The following CREB5 variants were observed in gnomAD, a reference collection of about 807,000 sequenced individuals.
CREB5 encodes the protein cAMP responsive element binding protein 5, also known as cyclic AMP-responsive element-binding protein 5.
Under a neutral mutation model 57.1 loss-of-function variants are expected in CREB5, and 19 were observed. The ratio of observed to expected loss-of-function variants is 0.33; its 90% CI spans 0.23 to 0.49. The LOEUF is 0.49. CREB5 is among the 20% of genes least tolerant of loss of function. The probability of loss-of-function intolerance (pLI) is 0.99; values close to 1 mark genes in which losing one functional copy is unlikely to be tolerated. For missense variants in CREB5, 579 were observed against 671.6 expected (o/e 0.86, Z 1.52); for synonymous variants, 238 against 238.3 (o/e 1.00, Z 0.01).
chr7:28,628,540 A>G (rs977784667), intron 5 of CREB5, among the ~76,000 whole-genome samples: 25 of 152,124 alleles, frequency 1.6e-4, no homozygotes, highest in African/African-American at 6.0e-4. Flanking sequence ...AGTGGGTAAG[A>G]GAAGGAAGAG....
chr7:28,648,704 T>C (rs1799004508), intron 5 of CREB5, among the ~76,000 whole-genome samples: 1 of 152,126 alleles, frequency 6.6e-6, no homozygotes. Context: ...ATCATGCTAC[T>C]GCACTCCAGC....
At chr7:28,306,177 C>A (rs1785177836) in intron 1 of CREB5, among the ~76,000 whole-genome samples, 1 of 152,176 alleles carries the variant, frequency 6.6e-6, no homozygotes, top group Non-Finnish European at 1.5e-5. Flanking sequence ...GCTGTTCATG[C>A]CTAGGGTAGG....
At chr7:28,437,021 G>C (rs750720532) in intron 1 of CREB5, among the ~76,000 whole-genome samples, 1 of 152,068 alleles carries the variant, frequency 6.6e-6, no homozygotes, top group Non-Finnish European at 1.5e-5. Flanking sequence ...TCTTTGGTTT[G>C]GTGCAATTCA....
At chr7:28,698,234 C>T (rs1801671783) in intron 5 of CREB5, among the ~76,000 whole-genome samples, 1 of 151,580 alleles carries the variant, frequency 6.6e-6, no homozygotes, top group Non-Finnish European at 1.5e-5. Context: ...TATCCCCAGA[C>T]ATAATAGTGA....
At chr7:28,560,983 T>TGCGC (rs1157062756) in intron 4 of CREB5, among the ~76,000 whole-genome samples, 1 of 71,878 alleles carries the variant, frequency 1.4e-5, no homozygotes, top group African/African-American at 4.3e-5. Flanking sequence ...CGTGTGTGCG[T>TGCGC]GCGTGTGTGT....
At chr7:28,615,689 T>C (rs1400159796) in intron 5 of CREB5, 2 of 152,302 alleles carry the variant, frequency 1.3e-5, no homozygotes, top group Non-Finnish European at 2.9e-5. Context: ...GACTCCTCAA[T>C]GGGCAAGGAG....
intron 1 of CREB5, among the ~76,000 whole-genome samples, chr7:28,468,328 G>A (rs1790675624): frequency 6.6e-6 from 1 of 152,202 alleles, no homozygotes; most frequent in Non-Finnish European, 1.5e-5. Flanking sequence ...GGCTGCACCT[G>A]GATGGCAAGT....
intron 5 of CREB5, among the ~76,000 whole-genome samples, chr7:28,712,323 C>T (rs1279466450): frequency 2.0e-5 from 3 of 151,918 alleles, no homozygotes; most frequent in Admixed American, 6.5e-5. Flanking sequence ...GCCTGGCCAA[C>T]GTGGTGAAAC....
chr7:28,352,518 A>G (rs17715204), intron 1 of CREB5, among the ~76,000 whole-genome samples: 14,820 of 152,288 alleles, frequency 0.097, 965 homozygotes, highest in South Asian at 0.15. Context: ...TGGTAAATTT[A>G]TCATTTGACA....
chr7:28,622,239 A>G (rs1012722919), intron 5 of CREB5, among the ~76,000 whole-genome samples: 2 of 146,098 alleles, frequency 1.4e-5, no homozygotes, highest in African/African-American at 5.2e-5. Context: ...ACATATACAC[A>G]CATTCTCTCT....
chr7:28,493,789 C>A (rs980342352), intron 2 of CREB5, among the ~76,000 whole-genome samples: 2 of 152,156 alleles, frequency 1.3e-5, no homozygotes, highest in Admixed American at 6.5e-5. Flanking sequence ...ACCATAATAT[C>A]ATTCCCTGAA....
chr7:28,436,913 T>C (rs1248190171), intron 1 of CREB5, among the ~76,000 whole-genome samples: 1 of 152,178 alleles, frequency 6.6e-6, no homozygotes, highest in Admixed American at 6.5e-5. Context: ...TTGTGTACTA[T>C]GCTCTTGAGG....
intron 3 of CREB5, among the ~76,000 whole-genome samples, chr7:28,498,992 C>T (rs1385014474): frequency 6.6e-6 from 1 of 152,082 alleles, no homozygotes; most frequent in African/African-American, 2.4e-5. Flanking sequence ...TTCAAAATTA[C>T]AAGCTATTAT....
intron 1 of CREB5, among the ~76,000 whole-genome samples, chr7:28,345,273 CT>C (rs58373526): frequency 0.017 from 2,581 of 148,586 alleles, 74 homozygotes; most frequent in African/African-American, 0.061. Context: ...CAAAACAAGT[CT>C]TTTTTTTTTT....
At chr7:28,619,479 A>C (rs1052988975) in intron 5 of CREB5, among the ~76,000 whole-genome samples, 2 of 152,078 alleles carry the variant, frequency 1.3e-5, no homozygotes, top group East Asian at 3.9e-4. Context: ...CTGCCTGTTT[A>C]TTTTTCCGTC....
chr7:28,500,832 A>G (rs563548080), intron 3 of CREB5, among the ~76,000 whole-genome samples: 1 of 152,104 alleles, frequency 6.6e-6, no homozygotes, highest in African/African-American at 2.4e-5. Context: ...AATCACACGC[A>G]CACACACACG....
chr7:28,436,247 G>A (rs1788956859), intron 1 of CREB5, among the ~76,000 whole-genome samples: 2 of 152,082 alleles, frequency 1.3e-5, no homozygotes, highest in South Asian at 4.1e-4. Context: ...AGAGGTCTTA[G>A]TAGCCTGTGT....
chr7:28,542,440 T>C (rs1794244681), intron 4 of CREB5, among the ~76,000 whole-genome samples: 1 of 152,220 alleles, frequency 6.6e-6, no homozygotes, highest in African/African-American at 2.4e-5. Flanking sequence ...TAGAAGGTGG[T>C]AAAACACTGG....
At chr7:28,315,115 C>G (rs926750618) in intron 1 of CREB5, among the ~76,000 whole-genome samples, 1 of 152,134 alleles carries the variant, frequency 6.6e-6, no homozygotes, top group South Asian at 2.1e-4. Flanking sequence ...AGGTATGGAA[C>G]AGACGCTGGG....
Sources: allele counts gnomAD v4.1 joint callset (sites outside exome capture counted in the v4.1 genomes callset), GRCh38; gene constraint gnomAD v4.1.1; transcripts MANE v1.5; gene names NCBI Gene and HGNC (gene_info 2026-07-23, HGNC 2026-07-21).